The following TIGAR variants were observed in gnomAD, a reference collection of about 807,000 sequenced individuals.
The protein encoded by TIGAR is fructose-2,6-bisphosphatase TIGAR.
A neutral mutation model predicts 17.9 loss-of-function variants in TIGAR; 7 were observed. That is an observed-to-expected ratio of 0.39 (90% CI 0.22 to 0.73). TIGAR has a LOEUF of 0.73. Ranked by LOEUF, TIGAR falls within the 30% of genes least tolerant of loss-of-function variation. TIGAR has a pLI of 0.42. For synonymous variants in TIGAR, 94 were observed against 108.6 expected (o/e 0.87, Z 0.84); for missense variants, 258 against 327.4 (o/e 0.79, Z 1.64).
chr12:4,349,749 ATTCT>A, intron 3 of TIGAR, 66 bp from the exon 4 acceptor site: 1 of 1,284,700 alleles, frequency 7.8e-7, no homozygotes, highest in Non-Finnish European at 1.1e-6. Flanking sequence ...GATGACATAG[ATTCT>A]TTCAGTGCTT....
chr12:4,340,103 C>A (rs144559660), intron 3 of TIGAR, among the ~76,000 whole-genome samples: 1 of 152,068 alleles, frequency 6.6e-6, no homozygotes, highest in Admixed American at 6.5e-5. Flanking sequence ...ACATTTAAAT[C>A]GGAAAGGAAG....
intron 2 of TIGAR, among the ~76,000 whole-genome samples, chr12:4,333,191 C>A (rs1007326262): frequency 1.8e-4 from 28 of 152,044 alleles, no homozygotes; most frequent in African/African-American, 6.5e-4. Context: ...ATGTATTTTT[C>A]CATCTCATTC....
intron 2 of TIGAR, among the ~76,000 whole-genome samples, chr12:4,332,878 G>C (rs1864619019): frequency 6.6e-6 from 1 of 152,078 alleles, no homozygotes; most frequent in East Asian, 1.9e-4. Flanking sequence ...GCACTAGTTT[G>C]CCTGCATGTC....
intron 3 of TIGAR, among the ~76,000 whole-genome samples, chr12:4,344,442 A>G (rs1162658193): frequency 6.6e-6 from 1 of 152,216 alleles, no homozygotes; most frequent in Admixed American, 6.5e-5. Flanking sequence ...TTTTAGACCA[A>G]TATCCCTGAT....
At chr12:4,326,368 G>T (rs1864546086) in intron 1 of TIGAR, among the ~76,000 whole-genome samples, 1 of 152,136 alleles carries the variant, frequency 6.6e-6, no homozygotes, top group Non-Finnish European at 1.5e-5. Context: ...TTCCCCAAAC[G>T]TACTAATTAA....
At chr12:4,352,197 TGTTAAC>T in intron 5 of TIGAR, 57 bp from the exon 6 acceptor site, 14 of 1,419,842 alleles carry the variant, frequency 9.9e-6, no homozygotes, top group Non-Finnish European at 1.3e-5. Flanking sequence ...TTATGTTCTA[TGTTAAC>T]GTTTTAAGGA....
intron 3 of TIGAR, among the ~76,000 whole-genome samples, chr12:4,341,486 C>G (rs1864720684): frequency 6.6e-6 from 1 of 152,174 alleles, no homozygotes; most frequent in African/African-American, 2.4e-5. Context: ...GGGAGGCACC[C>G]CCCAGTAGGA....
In TIGAR at chr12:4,358,393, G is replaced by T. The variant is rs540073703; in HGVS notation, c.*5702G>T. 6.6e-6 allele frequency among the ~76,000 whole-genome samples: 1 copy of T among 152,204 alleles called. No individual in the cohort carries two copies. Among genetic ancestry groups the T allele is most frequent in the East Asian group, 1.9e-4 (1 of 5,188 alleles). ...TGTGTTTTGGTAATCTTTTATCTTGGATTTATCAAACCTACAGAAAAGTTG... is the reference window on the plus strand; with the variant it reads ...TGTGTTTTGGTAATCTTTTATCTTGTATTTATCAAACCTACAGAAAAGTTG... On this transcript the variant is annotated 3_prime_UTR_variant, in exon 6 of 6. Coordinates refer to ENST00000179259, the MANE Select transcript of TIGAR (RefSeq NM_020375.3).
At chr12:4,324,290 G>A in intron 1 of TIGAR, 1 of 660,136 alleles carries the variant, frequency 1.5e-6, no homozygotes, top group South Asian at 1.8e-5. Context: ...GGTGTTTGCA[G>A]TGAGTCCCCG....
Position 4,353,890 on chromosome 12 carries a change from A to AC in TIGAR, c.*1201dup, listed in dbSNP as rs971337012. On this transcript the variant is annotated 3_prime_UTR_variant, in exon 6 of 6. Coordinates refer to ENST00000179259, the MANE Select transcript of TIGAR (RefSeq NM_020375.3). ...GGGGGGAGAGAATGTTGCTCTGATA[A>AC]CCACAGCTGTGGTTATTTTGTGGCA... The AC allele has an allele frequency of 6.6e-6, 1 of 152,468 alleles. No individual in the cohort carries two copies. Among genetic ancestry groups the AC allele is most frequent in the Non-Finnish European group, 1.5e-5 (1 of 67,994 alleles). 9.4% of individuals were successfully genotyped at this position (152,468 alleles called of 1,614,324 possible).
chr12:4,333,704 T>G (rs1484952406), intron 2 of TIGAR, among the ~76,000 whole-genome samples: 2 of 152,136 alleles, frequency 1.3e-5, no homozygotes, highest in Non-Finnish European at 2.9e-5. Flanking sequence ...AACCTGGTGA[T>G]CCACCCACCT....
chr12:4,329,118 T>G (rs1289077302), intron 1 of TIGAR, among the ~76,000 whole-genome samples: 1 of 152,154 alleles, frequency 6.6e-6, no homozygotes, highest in Non-Finnish European at 1.5e-5. Context: ...TTTTTCTACT[T>G]AATCATATAT....
intron 3 of TIGAR, among the ~76,000 whole-genome samples, chr12:4,341,765 T>C (rs1864724895): frequency 6.6e-6 from 1 of 151,348 alleles, no homozygotes; most frequent in South Asian, 2.1e-4. Context: ...AGACCAAAGG[T>C]AGATAAAACC....
rs1864896123 is a variant in TIGAR, at chr12:4,355,957, G to A, written c.*3266G>A. On this transcript the variant is annotated 3_prime_UTR_variant, in exon 6 of 6. Transcript: ENST00000179259. ...CTTGACTCCTTTGAGCAAGGGGGAT[G>A]GGAGAGTGACGGGAGAAGAGGACAG... Among the ~76,000 whole-genome samples the A allele has an allele frequency of 6.6e-6, 1 of 152,234 alleles. No individual in the cohort carries two copies. Among genetic ancestry groups the A allele is most frequent in the Admixed American group, 6.5e-5 (1 of 15,284 alleles).
intron 1 of TIGAR, among the ~76,000 whole-genome samples, chr12:4,330,593 TC>T (rs1864593558): frequency 1.3e-5 from 2 of 152,206 alleles, no homozygotes. Flanking sequence ...CCCATGCACT[TC>T]CCGCCCTTTT....
chr12:4,346,536 G>A (rs879407357), intron 3 of TIGAR, among the ~76,000 whole-genome samples: 7 of 151,966 alleles, frequency 4.6e-5, no homozygotes, highest in East Asian at 1.9e-4. Context: ...TTTCTCACTC[G>A]TAGGTGGGAA....
intron 4 of TIGAR, among the ~76,000 whole-genome samples, chr12:4,350,912 G>A (rs1232525088): frequency 6.6e-6 from 1 of 152,180 alleles, no homozygotes; most frequent in Admixed American, 6.5e-5. Context: ...GGTGTAGTAT[G>A]TGTGGATGGG....
intron 3 of TIGAR, among the ~76,000 whole-genome samples, chr12:4,344,330 C>G (rs571705599): frequency 5.3e-5 from 8 of 152,288 alleles, no homozygotes; most frequent in Non-Finnish European, 1.2e-4. Flanking sequence ...CCTTCTGAAA[C>G]TATCCCAATC....
In TIGAR at chr12:4,358,563, TC is replaced by T. The variant is rs1323202575; in HGVS notation, c.*5876del. Among the ~76,000 whole-genome samples the T allele has an allele frequency of 3.3e-5, 5 of 152,202 alleles. No individual in the cohort carries two copies. Among genetic ancestry groups the T allele is most frequent in the African/African-American group, 1.2e-4 (5 of 41,448 alleles). On this transcript the variant is annotated 3_prime_UTR_variant, in exon 6 of 6. Coordinates refer to ENST00000179259, the MANE Select transcript of TIGAR (RefSeq NM_020375.3). ...GAGTAACTTTGAGTCCTCATACTCT[TC>T]CCCTATAAAATTTCAATGTGTGTTT...
Sources: allele counts gnomAD v4.1 joint callset (sites outside exome capture counted in the v4.1 genomes callset), GRCh38; gene constraint gnomAD v4.1.1; transcripts MANE v1.5; gene names NCBI Gene and HGNC (gene_info 2026-07-23, HGNC 2026-07-21).